MYO15A: variants seen among roughly 807,000 people sequenced by gnomAD.
The protein encoded by MYO15A is unconventional myosin-XV.
Under a neutral mutation model 394.6 loss-of-function variants are expected in MYO15A, and 308 were observed. That is an observed-to-expected ratio of 0.78 (90% CI 0.71 to 0.86). MYO15A has a LOEUF of 0.86. Ranked by LOEUF, MYO15A falls within the 40% of genes least tolerant of loss-of-function variation. The pLI, the probability that MYO15A is intolerant of heterozygous loss-of-function variation, is 0.00. For missense variants in MYO15A, 4,606 were observed against 4,799.1 expected, an observed-to-expected ratio of 0.96 and a Z score of 1.19; for synonymous variants, 1,957 against 2,003.8, an observed-to-expected ratio of 0.98 and a Z score of 0.62.
chr17:18,157,079 G>C lies in MYO15A; in HGVS notation c.8713+14G>C, dbSNP rs908009926. The C allele has an allele frequency of 1.4e-5, 22 of 1,613,594 alleles. No individual in the cohort carries two copies. The Admixed American group carries it at 3.5e-4, about 26-fold the overall frequency. ...CACCTCGAGTGGGTCAGTGCCACTG[G>C]GGTGGGCTGGGGGCAGGAGGGGGAG... On this transcript the variant is annotated intron_variant, in intron 49 of 65. Coordinates refer to ENST00000647165, the MANE Select transcript of MYO15A (RefSeq NM_016239.4).
chr17:18,116,690 G>T (rs968557682), intron 1 of MYO15A, among the ~76,000 whole-genome samples: 7 of 152,126 alleles, frequency 4.6e-5, no homozygotes, highest in Non-Finnish European at 1.0e-4. Flanking sequence ...GGAGGCCAAG[G>T]TTGGTGGATC....
intron 11 of MYO15A, 85 bp from the exon 12 acceptor site, chr17:18,133,140 C>A: frequency 7.0e-7 from 1 of 1,438,668 alleles, no homozygotes; most frequent in Non-Finnish European, 9.6e-7. Context: ...CAGGCCACCA[C>A]ACTACTGGTC....
At position 18,153,886 on chromosome 17, in the gene MYO15A, T is replaced by A; in HGVS notation, c.8078T>A (p.Leu2693Gln). ...CAGGACGCCCCCTGGAAGATCTTCC[T>A]GCGCAAAGAGGTGCCGAGCACAGCC... ...GYQDAPWKIF[L>Q]RKEVFYPKDS... Residue 2693 changes from leucine (L) to glutamine (Q), a missense_variant, in exon 43 of 66, where the codon CTG becomes CAG. Physicochemically the swap from Leu to Gln is moderately radical, Grantham distance 113. Around this residue, in one of 2 missense-constraint regions of MYO15A, gnomAD observed 2,776 missense variants for 3,109.3 expected, o/e 0.89. Transcript: ENST00000647165. The surrounding 1 kb of genome is among the most constrained non-coding windows in gnomAD (Gnocchi z 4.1). 1 of 1,613,144 alleles carries A rather than the reference T, an allele frequency of 6.2e-7. No homozygotes were observed. The highest frequency in any genetic ancestry group is 8.5e-7 in the Non-Finnish European group (1 of 1,179,892).
chr17:18,149,967 A>AAC (rs1555545849), intron 35 of MYO15A: 1 of 313,694 alleles, frequency 3.2e-6, no homozygotes, highest in Non-Finnish European at 6.0e-6. Context: ...AAAAAAAAAA[A>AAC]AAAAGAAAGG....
intron 45 of MYO15A, 139 bp from the exon 46 acceptor site, chr17:18,154,971 C>G: frequency 1.0e-6 from 1 of 976,702 alleles, no homozygotes; most frequent in Non-Finnish European, 1.6e-6. Context: ...TCATCCATTT[C>G]TGGGTTTCAG....
chr17:18,120,384 C>A lies in MYO15A; in HGVS notation c.1584C>A (p.Gly528=). Residue 528 remains glycine (G), a synonymous_variant, in exon 2 of 66, where the codon GGC becomes GGA. Transcript: ENST00000647165. ...ELPPVSAVPY[G]HPFWGFLTPR... ...CCCCGGTTTCCGCTGTGCCCTACGG[C>A]CACCCTTTCTGGGGCTTCCTCACGC... The A allele has an allele frequency of 6.2e-7, 1 of 1,611,178 alleles. No individual in the cohort carries two copies. The highest frequency in any genetic ancestry group is 8.5e-7 in the Non-Finnish European group (1 of 1,179,722).
Position 18,148,232 on chromosome 17 carries a change from CAGTG to C in MYO15A, c.6691+25_6691+28del. 6.2e-7 allele frequency: 1 copy of C among 1,612,794 alleles called. No individual in the cohort carries two copies. The highest frequency in any genetic ancestry group is 1.3e-5 in the African/African-American group (1 of 75,044). On this transcript the variant is annotated intron_variant, in intron 31 of 65. Coordinates refer to ENST00000647165, the MANE Select transcript of MYO15A (RefSeq NM_016239.4). The surrounding 1 kb of genome is among the most constrained non-coding windows in gnomAD (Gnocchi z 4.8). ...AATGGTAAGCTGCCTTCCCCCACCT[CAGTG>C]AGGGCAGTGGGAGTCAGCAGGGCCC...
Position 18,142,064 on chromosome 17 carries a change from T to C in MYO15A, c.5650-15T>C. ...CTGGCTCCTATCTGCCTCAGTGCCT[T>C]CCTCCTGTCCTTAGCTGTTCCTTAA... On this transcript the variant is annotated splice_polypyrimidine_tract_variant and intron_variant, in intron 23 of 65. Coordinates refer to ENST00000647165, the MANE Select transcript of MYO15A (RefSeq NM_016239.4). 1.2e-6 allele frequency: 2 copies of C among 1,611,612 alleles called. No individual in the cohort carries two copies. Among genetic ancestry groups the C allele is most frequent in the Non-Finnish European group, 1.7e-6 (2 of 1,179,980 alleles).
chr17:18,131,649 C>A, intron 10 of MYO15A, 118 bp downstream of exon 10: 1 of 1,221,132 alleles, frequency 8.2e-7, no homozygotes, highest in Non-Finnish European at 1.2e-6. Context: ...CGAATACATG[C>A]GTACATGTGT....
chr17:18,122,372 C>T lies in MYO15A; in HGVS notation c.3572C>T (p.Ser1191Phe). The part of the protein sequence containing the change: ...PGAACLSLRG[S>F]WEEVGPPSWR... ...GCTGCCTGCCTGTCCCTTAGGGGCT[C>T]CTGGGAGGAGGTCGGCCCGCCAAGC... The change falls in exon 2 of 66, where the codon TCC (serine) becomes TTC (phenylalanine). Residue 1191 changes from serine to phenylalanine, a missense_variant. Physicochemically the swap from Ser to Phe is radical, Grantham distance 155. Coordinates refer to ENST00000647165, the MANE Select transcript of MYO15A (RefSeq NM_016239.4). 6.2e-7 allele frequency: 1 copy of T among 1,612,768 alleles called. No individual in the cohort carries two copies. The highest frequency in any genetic ancestry group is 8.5e-7 in the Non-Finnish European group (1 of 1,179,932).
rs370074237 is a variant in MYO15A, at chr17:18,131,286, C to T, written c.4086C>T (p.Thr1362=). Residue 1362 remains threonine (T), a synonymous_variant, in exon 9 of 66, where the codon ACC becomes ACT. Coordinates refer to ENST00000647165, the MANE Select transcript of MYO15A (RefSeq NM_016239.4). ...TGGAGTCCTTCGGTAATGCCAAAAC[C>T]GTCAGGAACGACAACTCCAGCCGCT... ...PLLESFGNAK[T]VRNDNSSRFG... The T allele has an allele frequency of 3.1e-6, 5 of 1,614,102 alleles. No homozygotes were observed. The highest frequency in any genetic ancestry group is 2.2e-5 in the East Asian group (1 of 44,876).
At position 18,173,889 on chromosome 17, in the gene MYO15A, G is replaced by C. The variant is rs1301744096; in HGVS notation, c.10459G>C (p.Ala3487Pro). ...YVEIALGDVA[A>P]QRTLQLQLEQ... Reference sequence around the variant, plus strand: ...GGAGATTGCGCTGGGGGACGTGGCGGCCCAGCGCACCTTGCAGCTGCAGCT... The same window carrying C: ...GGAGATTGCGCTGGGGGACGTGGCGCCCCAGCGCACCTTGCAGCTGCAGCT... The change falls in exon 65 of 66, where the codon GCC becomes CCC. Residue 3487 changes from alanine (A) to proline (P), a missense_variant. This residue lies in a region of MYO15A where 2,776 missense variants were observed against 3,109.3 expected (regional missense o/e 0.89). Transcript: ENST00000647165. The C allele has an allele frequency of 6.2e-7, 1 of 1,612,696 alleles. No individual in the cohort carries two copies. Among genetic ancestry groups the C allele is most frequent in the Non-Finnish European group, 8.5e-7 (1 of 1,179,402 alleles).
At position 18,159,282 on chromosome 17, in the gene MYO15A, T is replaced by C; in HGVS notation, c.9164T>C (p.Leu3055Pro). ...AGCCCTCTTCCCCCACAGACTCCCC[T>C]CCAGGAATCCCTCATCGAACTCAGC... is the stretch of plus-strand genomic sequence containing the variant. ...EDMLCFTKTP[L>P]QESLIELSDS... The change falls in exon 54 of 66, where the codon CTC becomes CCC. Residue 3055 changes from leucine (L) to proline (P), a missense_variant. By Grantham distance (98) the Leu-to-Pro change is moderately conservative. Around this residue, in one of 2 missense-constraint regions of MYO15A, gnomAD observed 2,776 missense variants for 3,109.3 expected, o/e 0.89. Transcript: ENST00000647165. The C allele has an allele frequency of 1.2e-6, 2 of 1,614,010 alleles. No homozygotes were observed. Among genetic ancestry groups the C allele is most frequent in the Non-Finnish European group, 1.7e-6 (2 of 1,179,982 alleles).
At position 18,163,836 on chromosome 17, in the gene MYO15A, G is replaced by C. The variant is rs368106470; in HGVS notation, c.9785G>C (p.Arg3262Pro). 37 of 1,612,968 alleles carry C rather than the reference G, an allele frequency of 2.3e-5. No individual in the cohort carries two copies. Among genetic ancestry groups the C allele is most frequent in the Middle Eastern group, 3.3e-4 (2 of 6,082 alleles). The change falls in exon 60 of 66, where the codon CGT becomes CCT. Residue 3262 changes from arginine to proline, a missense_variant and splice_region_variant. Arg to Pro is a moderately radical substitution (Grantham distance 103). This residue lies in a region of MYO15A where 2,776 missense variants were observed against 3,109.3 expected (regional missense o/e 0.89). Transcript: ENST00000647165. ...NEYVIFVVTN[R>P]GQHVCPLSRR... is the part of the protein sequence containing the mutation. ...TATGTTATCTTCGTTGTCACCAACC[G>C]TGGTGAGTGCCAGGAAGACTGAGCA...
intron 59 of MYO15A, 30 bp downstream of exon 59, chr17:18,163,351 G>T (rs370545929): frequency 6.2e-7 from 1 of 1,606,956 alleles, no homozygotes; most frequent in Non-Finnish European, 8.5e-7. Context: ...CTGCAGCCAG[G>T]TACTGGAGGG....
intron 65 of MYO15A, among the ~76,000 whole-genome samples, chr17:18,174,891 C>T (rs946604707): frequency 6.6e-6 from 1 of 152,150 alleles, no homozygotes. Flanking sequence ...CCTAGCTCTG[C>T]CTCTGAGGGA....
rs1227756137 is a variant in MYO15A at position 18,133,276 on chromosome 17, C to T, written c.4372C>T (p.Leu1458Phe). Reference sequence around the variant, plus strand: ...GAGCGATGCAGATGACTTTCGCCGGCTCCTGGCTGCCATGGAGGTGTTGGG... The same window carrying T: ...GAGCGATGCAGATGACTTTCGCCGGTTCCTGGCTGCCATGGAGGTGTTGGG... Reference protein sequence around the residue: ...GKSDADDFRRLLAAMEVLGFS... With the variant: ...GKSDADDFRRFLAAMEVLGFS... The change falls in exon 12 of 66, where the codon CTC becomes TTC. Residue 1458 changes from leucine (L) to phenylalanine (F), a missense_variant. Leu to Phe is a conservative substitution (Grantham distance 22). Transcript: ENST00000647165. 3 of 1,614,060 alleles carry T rather than the reference C, an allele frequency of 1.9e-6. No individual in the cohort carries two copies. The highest frequency in any genetic ancestry group is 2.5e-6 in the Non-Finnish European group (3 of 1,180,028).
chr17:18,161,213 G>A, intron 56 of MYO15A, 104 bp from the exon 57 acceptor site: 1 of 1,458,456 alleles, frequency 6.9e-7, no homozygotes, highest in Non-Finnish European at 9.4e-7. Flanking sequence ...CAGGGGACAG[G>A]AGCTGCCTGA....
Position 18,119,931 on chromosome 17 carries a change from C to G in MYO15A, c.1131C>G (p.Thr377=). ...PYFDPYGVHY[T]VPYAEGVYGG... ...TTGATCCCTACGGAGTCCACTACACCGTCCCCTATGCCGAAGGCGTCTATG... is the reference window on the plus strand; with the variant it reads ...TTGATCCCTACGGAGTCCACTACACGGTCCCCTATGCCGAAGGCGTCTATG... Residue 377 remains threonine (T), a synonymous_variant, in exon 2 of 66, where the codon ACC becomes ACG. Coordinates refer to ENST00000647165, the MANE Select transcript of MYO15A (RefSeq NM_016239.4). The G allele has an allele frequency of 1.2e-6, 2 of 1,613,632 alleles. No individual in the cohort carries two copies. The highest frequency in any genetic ancestry group is 1.7e-6 in the Non-Finnish European group (2 of 1,180,022).
Sources: gnomAD v4.1 joint callset for allele counts (sites outside exome capture counted in the v4.1 genomes callset) on GRCh38, gnomAD v4.1.1 for gene constraint, gnomAD v4.1.1 regional missense constraint, Gnocchi (gnomAD v3.1) non-coding constraint, MANE v1.5 for transcripts, NCBI Gene and HGNC (gene_info 2026-07-23, HGNC 2026-07-21) for gene names.